ZFP14: variants seen among roughly 807,000 people sequenced by gnomAD.
ZFP14 encodes the protein ZFP14 zinc finger protein.
In ZFP14, 22 loss-of-function variants were observed where a neutral mutation model predicts 54.5. That is an observed-to-expected ratio of 0.40 (90% CI 0.29 to 0.58). The LOEUF is 0.58. Ranked by LOEUF, ZFP14 falls within the 20% of genes least tolerant of loss-of-function variation. The pLI, the probability that ZFP14 is intolerant of heterozygous loss-of-function variation, is 0.39. For missense variants in ZFP14, 470 were observed against 637.8 expected (o/e 0.74, Z 2.83); for synonymous variants, 159 against 204.0 (o/e 0.78, Z 1.88).
chr19:36,338,253 A>C lies in ZFP14; in HGVS notation c.*1971T>G, dbSNP rs1443402312. 1 of 152,146 alleles carries C rather than the reference A, an allele frequency of 6.6e-6. No homozygotes were observed. The highest frequency in any genetic ancestry group is 1.5e-5 in the Non-Finnish European group (1 of 68,032). 9.4% of individuals were successfully genotyped at this position (152,146 alleles called of 1,614,324 possible). ...TGATCCACCCACCTTGTCCTCCCAA[A>C]GTGCTGGGATTACAGGTGTGACCCC... is the stretch of plus-strand genomic sequence containing the variant. On this transcript the variant is annotated 3_prime_UTR_variant, in exon 5 of 5. Transcript: ENST00000270001.
At chr19:36,342,132 G>A (rs2031329511) in intron 4 of ZFP14, among the ~76,000 whole-genome samples, 1 of 150,278 alleles carries the variant, frequency 6.7e-6, no homozygotes, top group African/African-American at 2.4e-5. Context: ...TGGGATTACA[G>A]GAGTGAGCCA....
intron 4 of ZFP14, among the ~76,000 whole-genome samples, chr19:36,346,895 G>T (rs2031426360): frequency 6.6e-6 from 1 of 152,206 alleles, no homozygotes; most frequent in Admixed American, 6.5e-5. Flanking sequence ...CAATAGGCAG[G>T]TTCGCTTGCT....
chr19:36,358,851 C>G (rs919050504), intron 4 of ZFP14, among the ~76,000 whole-genome samples: 1 of 152,136 alleles, frequency 6.6e-6, no homozygotes, highest in Non-Finnish European at 1.5e-5. Flanking sequence ...GGGCTCTGCT[C>G]TCATGAATGG....
intron 2 of ZFP14, among the ~76,000 whole-genome samples, 168 bp downstream of exon 2, chr19:36,367,716 G>A (rs961637931): frequency 3.9e-5 from 6 of 152,098 alleles, no homozygotes; most frequent in South Asian, 4.1e-4. Context: ...CGCCTGCCTC[G>A]GCCTCCCAAA....
chr19:36,375,147 G>C (rs982884903), intron 1 of ZFP14, among the ~76,000 whole-genome samples: 5 of 152,086 alleles, frequency 3.3e-5, no homozygotes, highest in African/African-American at 1.2e-4. Flanking sequence ...AGTTCTTTTG[G>C]CTAAGATGCC....
chr19:36,361,442 G>C (rs1034246093), intron 3 of ZFP14, among the ~76,000 whole-genome samples: 2 of 151,056 alleles, frequency 1.3e-5, no homozygotes, highest in Non-Finnish European at 2.9e-5. Context: ...GTTTCACCAT[G>C]ATGGCCAGGC....
rs2031315755 is a variant in ZFP14, at chr19:36,341,535, T to G, written c.291A>C (p.Glu97Asp). Reference sequence around the variant, plus strand: ...TTATATCCCACTGAAATGAATATATTTCATAAATGTCCTTTTCTGGAGATA... The same window carrying G: ...TTATATCCCACTGAAATGAATATATGTCATAAATGTCCTTTTCTGGAGATA... The part of the protein sequence containing the change: ...NTLSPEKDIY[E>D]IYSFQWDIME... The change falls in exon 5 of 5, where the codon GAA (glutamate) becomes GAC (aspartate). Residue 97 changes from glutamate to aspartate, a missense_variant. Glu to Asp is a conservative substitution (Grantham distance 45, BLOSUM62 2). Transcript: ENST00000270001. The surrounding 1 kb of genome is among the most constrained non-coding windows in gnomAD (Gnocchi z 4.2). The G allele has an allele frequency of 1.2e-6, 2 of 1,602,900 alleles. No homozygotes were observed. The highest frequency in any genetic ancestry group is 1.8e-5 in the Admixed American group (1 of 56,964).
At chr19:36,364,914 C>G (rs2031767478) in intron 2 of ZFP14, among the ~76,000 whole-genome samples, 1 of 151,648 alleles carries the variant, frequency 6.6e-6, no homozygotes, top group Non-Finnish European at 1.5e-5. Context: ...AACCAGGTAC[C>G]TATTTTCCCA....
chr19:36,343,749 T>C (rs889686381), intron 4 of ZFP14, among the ~76,000 whole-genome samples: 1 of 152,170 alleles, frequency 6.6e-6, no homozygotes, highest in Non-Finnish European at 1.5e-5. Flanking sequence ...TTCTTGCTGG[T>C]GACAACCCTG....
At chr19:36,344,212 C>G (rs985173003) in intron 4 of ZFP14, among the ~76,000 whole-genome samples, 1 of 152,126 alleles carries the variant, frequency 6.6e-6, no homozygotes, top group African/African-American at 2.4e-5. Context: ...ACCATGTTGG[C>G]CAGGCTGGTC....
intron 2 of ZFP14, among the ~76,000 whole-genome samples, chr19:36,366,775 A>G (rs59790261): frequency 0.019 from 2,836 of 152,252 alleles, 99 homozygotes; most frequent in African/African-American, 0.065. Flanking sequence ...ATTTATGAAA[A>G]TTCATCCAGC....
At chr19:36,369,917 C>G (rs1279361362) in intron 1 of ZFP14, among the ~76,000 whole-genome samples, 1 of 152,168 alleles carries the variant, frequency 6.6e-6, no homozygotes, top group Non-Finnish European at 1.5e-5. Context: ...TCACAGCAGC[C>G]TCGACCTCCC....
At chr19:36,347,621 G>GAAAA (rs1014520674) in intron 4 of ZFP14, among the ~76,000 whole-genome samples, 10 of 25,280 alleles carry the variant, frequency 4.0e-4, no homozygotes, top group African/African-American at 3.7e-3. Context: ...AAAAAACAAA[G>GAAAA]AAAAGAAAGA....
intron 2 of ZFP14, among the ~76,000 whole-genome samples, chr19:36,362,609 C>T (rs761843307): frequency 6.6e-6 from 1 of 152,110 alleles, no homozygotes; most frequent in African/African-American, 2.4e-5. Context: ...TGCAGTGGCT[C>T]ATGGCTATAA....
At chr19:36,366,101 C>CA (rs1010992214) in intron 2 of ZFP14, among the ~76,000 whole-genome samples, 71 of 149,022 alleles carry the variant, frequency 4.8e-4, no homozygotes, top group Middle Eastern at 3.5e-3. Flanking sequence ...CCCGTCTCTA[C>CA]AAAAAAAAAC....
Position 36,338,520 on chromosome 19 carries a change from TAAA to T in ZFP14, c.*1701_*1703del, listed in dbSNP as rs748422706. The T allele has an allele frequency of 2.2e-5, 3 of 135,324 alleles. No homozygotes were observed. The highest frequency in any genetic ancestry group is 4.8e-5 in the Non-Finnish European group (3 of 62,356). 8.4% of individuals were successfully genotyped at this position (135,324 alleles called of 1,614,324 possible). ...GGGCAACATAGTGAGACCCTTTCTCTAAAAAAAAAAAAAAAATTTAGGTGGAAG... is the reference window on the plus strand; with the variant it reads ...GGGCAACATAGTGAGACCCTTTCTCTAAAAAAAAAAAAATTTAGGTGGAAG... On this transcript the variant is annotated 3_prime_UTR_variant, in exon 5 of 5. Coordinates refer to ENST00000270001, the MANE Select transcript of ZFP14 (RefSeq NM_020917.3).
At chr19:36,361,983 C>T (rs1440817622) in intron 3 of ZFP14, 129 bp downstream of exon 3, 3 of 1,114,926 alleles carry the variant, frequency 2.7e-6, no homozygotes, top group East Asian at 5.6e-5. Flanking sequence ...ATGGAGAGGC[C>T]TAGTTCCAAC....
rs772763524 is a variant in ZFP14 at position 36,360,496 on chromosome 19, C to T, written c.174G>A (p.Leu58=). The T allele has an allele frequency of 1.9e-6, 3 of 1,613,582 alleles. No homozygotes were observed. The Admixed American group carries it at 5.0e-5, about 27-fold the overall frequency. Residue 58 remains leucine (L), a synonymous_variant, in exon 4 of 5, where the codon TTG becomes TTA. Coordinates refer to ENST00000270001, the MANE Select transcript of ZFP14 (RefSeq NM_020917.3). ...TCCCAGGTTCCTTCCTTTCTTCATC[C>T]AATAAGGTAATCACATCTGGTTTAG... The part of the protein sequence containing the change: ...SISKPDVITL[L]DEERKEPGMV...
At chr19:36,349,056 C>A (rs191221400) in intron 4 of ZFP14, among the ~76,000 whole-genome samples, 1 of 151,164 alleles carries the variant, frequency 6.6e-6, no homozygotes, top group African/African-American at 2.4e-5. Flanking sequence ...GGTGAAACCC[C>A]ATCTCTACTA....
Sources: gnomAD v4.1 joint callset for allele counts (sites outside exome capture counted in the v4.1 genomes callset) on GRCh38, gnomAD v4.1.1 for gene constraint, Gnocchi (gnomAD v3.1) non-coding constraint, MANE v1.5 for transcripts, NCBI Gene and HGNC (gene_info 2026-07-23, HGNC 2026-07-21) for gene names.